The following EPRS1 variants were observed in gnomAD, a reference collection of about 807,000 sequenced individuals.
EPRS1 encodes bifunctional glutamate/proline--tRNA ligase.
In EPRS1, 107 loss-of-function variants were observed where a neutral mutation model predicts 188.3. The observed-to-expected ratio is 0.57, with a 90% confidence interval of 0.49 to 0.67. The LOEUF (loss-of-function observed/expected upper bound fraction) is 0.67. Among genes scored for constraint, EPRS1 ranks in the 30% least tolerant of loss-of-function variants. EPRS1 has a pLI of 0.00. For missense variants in EPRS1, 1,577 were observed against 1,802.2 expected, an observed-to-expected ratio of 0.88 and a Z score of 2.26; for synonymous variants, 596 against 593.1, an observed-to-expected ratio of 1.00 and a Z score of -0.07.
At chr1:220,022,076 T>C (rs1319388881) in intron 9 of EPRS1, among the ~76,000 whole-genome samples, 2 of 152,078 alleles carry the variant, frequency 1.3e-5, no homozygotes, top group Non-Finnish European at 2.9e-5. Flanking sequence ...CATCACAGTA[T>C]ACCTAATCAA....
At chr1:220,040,476 C>T (rs1662270724) in intron 1 of EPRS1, among the ~76,000 whole-genome samples, 1 of 152,200 alleles carries the variant, frequency 6.6e-6, no homozygotes, top group African/African-American at 2.4e-5. Flanking sequence ...ACTAGCATAT[C>T]CAACTGGTTT....
At chr1:219,979,949 T>C in intron 26 of EPRS1, 136 bp downstream of exon 26, 1 of 786,888 alleles carries the variant, frequency 1.3e-6, no homozygotes, top group East Asian at 2.5e-5. Flanking sequence ...GATAGATTTG[T>C]TTGAAATTAT....
In EPRS1 at chr1:219,971,795, T is replaced by TATATATATATATACACAC. The variant is rs140568859; in HGVS notation, c.4323+273_4323+274insGTGTGTATATATATATAT. Among the ~76,000 whole-genome samples the TATATATATATATACACAC allele has an allele frequency of 1.4e-4, 15 of 108,424 alleles. 1 individual carries two copies. The highest frequency in any genetic ancestry group is 2.4e-4 in the Non-Finnish European group (12 of 49,842). 71.1% of individuals were successfully genotyped at this position (108,424 alleles called of 152,430 possible). A position where few individuals can be genotyped will look rare whatever the true frequency, so the allele number is the denominator to read the frequency against. On this transcript the variant is annotated intron_variant, in intron 30 of 31. Transcript: ENST00000366923. ...GTAGAAAACAAAGACTATATATATA[T>TATATATATATATACACAC]ACATATACACACACACTATATTTAT...
chr1:220,046,129 C>T (rs1449051253), intron 1 of EPRS1, among the ~76,000 whole-genome samples: 3 of 152,174 alleles, frequency 2.0e-5, no homozygotes, highest in Non-Finnish European at 2.9e-5. Flanking sequence ...TCCCTCCATG[C>T]CCGGGAAAAC....
intron 28 of EPRS1, among the ~76,000 whole-genome samples, chr1:219,975,426 G>A (rs1051229734): frequency 3.9e-5 from 6 of 152,090 alleles, no homozygotes; most frequent in African/African-American, 7.2e-5. Flanking sequence ...TGCATCCTGC[G>A]GTGGTTTTTG....
intron 2 of EPRS1, among the ~76,000 whole-genome samples, chr1:220,039,680 G>C (rs1662256959): frequency 6.6e-6 from 1 of 151,972 alleles, no homozygotes; most frequent in Non-Finnish European, 1.5e-5. Flanking sequence ...CACAACACCT[G>C]GATAATTTTT....
At chr1:219,980,467 GAATAT>G (rs1660873670) in intron 25 of EPRS1, among the ~76,000 whole-genome samples, 1 of 152,038 alleles carries the variant, frequency 6.6e-6, no homozygotes, top group South Asian at 2.1e-4. Flanking sequence ...TATATGTTTA[GAATAT>G]AAGAGAAAAT....
chr1:220,030,521 T>A (rs959410991), intron 5 of EPRS1, 41 bp from the exon 6 acceptor site: 1 of 1,456,378 alleles, frequency 6.9e-7, no homozygotes, highest in East Asian at 2.3e-5. Context: ...AGTCTTATGG[T>A]TAAATGTCTA....
At chr1:220,011,957 T>C (rs924691605) in intron 12 of EPRS1, among the ~76,000 whole-genome samples, 1 of 151,658 alleles carries the variant, frequency 6.6e-6, no homozygotes, top group Non-Finnish European at 1.5e-5. Flanking sequence ...AAAACAGTGG[T>C]ATAATTAAAT....
In EPRS1 at chr1:220,034,914, C is replaced by T. The variant is rs1662149353; in HGVS notation, c.231G>A (p.Glu77=). The T allele has an allele frequency of 6.5e-7, 1 of 1,537,830 alleles. No individual in the cohort carries two copies. The highest frequency in any genetic ancestry group is 9.0e-7 in the Non-Finnish European group (1 of 1,110,794). ...LYGSNLMEHT[E]IDHWLEFSAT... is the part of the protein sequence containing the mutation. ...ACACAACAAAATGTTCATTGCTTAC[C>T]TCAGTATGTTCCATCAGATTAGAGC... is the stretch of plus-strand genomic sequence containing the variant. The change falls in exon 3 of 32, where the codon GAG becomes GAA. Residue 77 remains glutamate, a splice_region_variant and synonymous_variant. Coordinates refer to ENST00000366923, the MANE Select transcript of EPRS1 (RefSeq NM_004446.3).
chr1:219,992,288 G>A (rs1362076136), intron 18 of EPRS1, among the ~76,000 whole-genome samples: 1 of 152,156 alleles, frequency 6.6e-6, no homozygotes, highest in Non-Finnish European at 1.5e-5. Context: ...ACAAGGTGCC[G>A]TGAATTAAAA....
chr1:219,984,254 C>T lies in EPRS1; in HGVS notation c.3042G>A (p.Leu1014=). Residue 1014 remains leucine (L), a synonymous_variant, in exon 21 of 32, where the codon TTG becomes TTA. Transcript: ENST00000366923. ...EGQGPKKQTR[L]GLEAKKEENL... is the part of the protein sequence containing the mutation. ...TTTCTTCTTTTTTTGCCTCAAGACC[C>T]AACCTGCAGATGTGAAAAGTAAAAG... 1 of 1,611,600 alleles carries T rather than the reference C, an allele frequency of 6.2e-7. No individual in the cohort carries two copies. The highest frequency in any genetic ancestry group is 1.1e-5 in the South Asian group (1 of 91,034).
chr1:220,014,327 CA>C (rs61690027), intron 12 of EPRS1, among the ~76,000 whole-genome samples: 1 of 149,532 alleles, frequency 6.7e-6, no homozygotes, highest in South Asian at 2.1e-4. Context: ...GACTCCATCT[CA>C]AAAAAAAACA....
intron 18 of EPRS1, among the ~76,000 whole-genome samples, chr1:219,993,902 T>C (rs910287668): frequency 6.6e-6 from 1 of 152,204 alleles, no homozygotes; most frequent in African/African-American, 2.4e-5. Flanking sequence ...CTTTGAATAT[T>C]TTTGTACATG....
chr1:220,016,343 C>CA (rs200969151), intron 12 of EPRS1, among the ~76,000 whole-genome samples: 1,324 of 69,012 alleles, frequency 0.019, 12 homozygotes, highest in Middle Eastern at 0.091. Flanking sequence ...GATTCCGCTA[C>CA]AAAAAGAAAA....
intron 15 of EPRS1, 140 bp from the exon 16 acceptor site, chr1:220,005,500 C>A: frequency 2.1e-6 from 1 of 481,672 alleles, no homozygotes; most frequent in Non-Finnish European, 3.6e-6. Flanking sequence ...TGAGGACACA[C>A]AATGAAACGG....
chr1:220,030,246 G>A (rs997130245), intron 6 of EPRS1, 140 bp downstream of exon 6: 85 of 557,168 alleles, frequency 1.5e-4, no homozygotes, highest in African/African-American at 1.3e-4. Flanking sequence ...CTGTTAAAAC[G>A]TTTAGAATTT....
At chr1:220,042,272 C>T (rs551719881) in intron 1 of EPRS1, among the ~76,000 whole-genome samples, 1 of 150,944 alleles carries the variant, frequency 6.6e-6, no homozygotes, top group East Asian at 2.0e-4. Context: ...TGCCTGAGCT[C>T]AGGAGTTCGA....
chr1:220,006,368 T>C, intron 14 of EPRS1, 55 bp from the exon 15 acceptor site: 1 of 633,574 alleles, frequency 1.6e-6, no homozygotes. Context: ...TGCCATAAAT[T>C]CATTATTTTG....
Sources: allele counts gnomAD v4.1 joint callset (sites outside exome capture counted in the v4.1 genomes callset), GRCh38; gene constraint gnomAD v4.1.1; transcripts MANE v1.5; gene names NCBI Gene and HGNC (gene_info 2026-07-23, HGNC 2026-07-21).